The following DLEU7 variants were observed in gnomAD, a reference collection of about 807,000 sequenced individuals.
The protein encoded by DLEU7 is leukemia-associated protein 7.
In DLEU7, 17 loss-of-function variants were observed where a neutral mutation model predicts 16.0. The ratio of observed to expected loss-of-function variants is 1.06; its 90% CI spans 0.73 to 1.59. The LOEUF is 1.59. Among genes scored for constraint, DLEU7 ranks in the 40% most tolerant of loss-of-function variants. DLEU7 has a pLI of 0.00. For synonymous variants in DLEU7, 113 were observed against 139.8 expected (o/e 0.81, Z 1.35); for missense variants, 308 against 314.9 (o/e 0.98, Z 0.17).
intron 1 of DLEU7, among the ~76,000 whole-genome samples, chr13:50,793,604 A>C (rs1031075819): frequency 1.1e-4 from 17 of 152,230 alleles, no homozygotes; most frequent in Admixed American, 1.0e-3. Context: ...ATGATTAGTG[A>C]TGATGACCAT....
At chr13:50,743,605 G>A (rs2137727182) in intron 1 of DLEU7, among the ~76,000 whole-genome samples, 1 of 152,268 alleles carries the variant, frequency 6.6e-6, no homozygotes, top group South Asian at 2.1e-4. Flanking sequence ...TAGAGGCCCA[G>A]TAAATGGAAA....
intron 1 of DLEU7, among the ~76,000 whole-genome samples, chr13:50,741,033 A>G (rs1441403858): frequency 2.0e-5 from 3 of 152,170 alleles, no homozygotes; most frequent in African/African-American, 7.2e-5. Flanking sequence ...AATCTGTCTC[A>G]GAGAAGATCT....
intron 1 of DLEU7, among the ~76,000 whole-genome samples, chr13:50,777,794 A>G (rs985807885): frequency 1.3e-5 from 2 of 152,216 alleles, no homozygotes; most frequent in African/African-American, 4.8e-5. Flanking sequence ...CTAGGTAAGG[A>G]GAGAGCTTTA....
intron 1 of DLEU7, among the ~76,000 whole-genome samples, chr13:50,804,607 C>G (rs767966678): frequency 1.3e-5 from 2 of 151,810 alleles, no homozygotes; most frequent in Non-Finnish European, 1.5e-5. Flanking sequence ...CCACACCCAG[C>G]TATTTTTTAA....
chr13:50,758,351 T>C (rs193249633), intron 1 of DLEU7, among the ~76,000 whole-genome samples: 55 of 151,986 alleles, frequency 3.6e-4, no homozygotes, highest in African/African-American at 1.1e-3. Context: ...ACCAGTTAAT[T>C]AAGGTTTCTT....
At chr13:50,746,572 C>T (rs1874402037) in intron 1 of DLEU7, among the ~76,000 whole-genome samples, 1 of 152,192 alleles carries the variant, frequency 6.6e-6, no homozygotes, top group Non-Finnish European at 1.5e-5. Flanking sequence ...ACCTTCCCCT[C>T]TGAGTATGAA....
At chr13:50,788,030 C>T (rs182126319) in intron 1 of DLEU7, among the ~76,000 whole-genome samples, 1 of 152,292 alleles carries the variant, frequency 6.6e-6, no homozygotes, top group East Asian at 1.9e-4. Flanking sequence ...GCACAGCAGG[C>T]GTTTCCCCAG....
At chr13:50,756,544 GGGCC>G (rs998065392) in intron 1 of DLEU7, among the ~76,000 whole-genome samples, 2 of 152,188 alleles carry the variant, frequency 1.3e-5, no homozygotes, top group Non-Finnish European at 2.9e-5. Context: ...ACAATTCAGA[GGGCC>G]GGTCTCCCTC....
At chr13:50,777,929 C>T (rs911547234) in intron 1 of DLEU7, among the ~76,000 whole-genome samples, 20 of 152,032 alleles carry the variant, frequency 1.3e-4, no homozygotes, top group East Asian at 1.9e-4. Context: ...AGCAGAACAC[C>T]GCAGTGGGCA....
At chr13:50,711,486 A>C (rs1873282654), downstream of DLEU7, 1 of 152,196 alleles carries the variant, frequency 6.6e-6, no homozygotes, top group African/African-American at 2.4e-5. Flanking sequence ...ATGAAGAAAA[A>C]AGCCTGCTTT....
downstream of DLEU7, among the ~76,000 whole-genome samples, chr13:50,821,364 C>G (rs1876898506): frequency 2.6e-5 from 4 of 151,986 alleles, no homozygotes; most frequent in South Asian, 8.3e-4. Context: ...TAGGGGCAAC[C>G]AAAGTTCTAG....
chr13:50,819,473 A>T (rs898413180), downstream of DLEU7, among the ~76,000 whole-genome samples: 1 of 152,188 alleles, frequency 6.6e-6, no homozygotes, highest in African/African-American at 2.4e-5. Context: ...TATAGAGAGC[A>T]GAGAAATACT....
chr13:50,762,736 C>CA (rs1164091703), intron 1 of DLEU7, among the ~76,000 whole-genome samples: 9 of 143,006 alleles, frequency 6.3e-5, no homozygotes, highest in South Asian at 2.3e-4. Context: ...CAAAACAAAA[C>CA]AAAAAAACAA....
intron 1 of DLEU7, among the ~76,000 whole-genome samples, chr13:50,770,733 CT>C (rs1813620135): frequency 6.6e-6 from 1 of 152,074 alleles, no homozygotes; most frequent in East Asian, 1.9e-4. Flanking sequence ...CTAAAATTCT[CT>C]TTTTTTGTTG....
chr13:50,811,322 G>A (rs191729253), intron 1 of DLEU7, among the ~76,000 whole-genome samples: 4 of 152,184 alleles, frequency 2.6e-5, no homozygotes, highest in African/African-American at 9.6e-5. Flanking sequence ...GAGGTGAGAG[G>A]AAGAACACCA....
chr13:50,741,538 G>T (rs867585688), intron 1 of DLEU7, among the ~76,000 whole-genome samples: 1 of 152,056 alleles, frequency 6.6e-6, no homozygotes, highest in Non-Finnish European at 1.5e-5. Context: ...CAAAGTAAAG[G>T]CTCAGTACCT....
At chr13:50,714,602 A>C (rs1219389561) in intron 1 of DLEU7, among the ~76,000 whole-genome samples, 1 of 152,210 alleles carries the variant, frequency 6.6e-6, no homozygotes, top group African/African-American at 2.4e-5. Context: ...CCCTGAAACC[A>C]TCGCTCAAAT....
intron 1 of DLEU7, among the ~76,000 whole-genome samples, chr13:50,735,934 GA>G (rs1190332781): frequency 6.6e-6 from 1 of 152,136 alleles, no homozygotes; most frequent in East Asian, 1.9e-4. Context: ...AACCATTGTG[GA>G]AAGCAGTGTG....
At chr13:50,820,410 C>A (rs1057215193), downstream of DLEU7, among the ~76,000 whole-genome samples, 1 of 151,826 alleles carries the variant, frequency 6.6e-6, no homozygotes, top group African/African-American at 2.4e-5. Context: ...ATAATGCAAG[C>A]AAGAGAATGA....
Sources: allele counts gnomAD v4.1 joint callset (sites outside exome capture counted in the v4.1 genomes callset), GRCh38; gene constraint gnomAD v4.1.1; transcripts MANE v1.5; gene names NCBI Gene and HGNC (gene_info 2026-07-23, HGNC 2026-07-21).